FBXL20: variants seen among roughly 807,000 people sequenced by gnomAD.
FBXL20 encodes F-box/LRR-repeat protein 20.
Under a neutral mutation model 64.0 loss-of-function variants are expected in FBXL20, and 11 were observed. The observed-to-expected ratio is 0.17, with a 90% CI of 0.11 to 0.28. FBXL20 has a LOEUF of 0.28. Among genes scored for constraint, FBXL20 ranks in the 10% least tolerant of loss-of-function variants. FBXL20 has a pLI of 1.00. For missense variants in FBXL20, 303 were observed against 526.2 expected (o/e 0.58, Z 4.15); for synonymous variants, 184 against 189.0 (o/e 0.97, Z 0.22).
rs765978875 is a variant in FBXL20, at chr17:39,401,439, C to A, written c.-37G>T. The A allele has an allele frequency of 1.3e-6, 2 of 1,568,304 alleles. No homozygotes were observed. The highest frequency in any genetic ancestry group is 2.4e-5 in the East Asian group (1 of 41,642). On this transcript the variant is annotated 5_prime_UTR_variant, in exon 1 of 15. Coordinates refer to ENST00000264658, the MANE Select transcript of FBXL20 (RefSeq NM_032875.3). ...GTGCGGCCCGGGCCGGGCGCTGCGG[C>A]GAGCGGAGTGCACAGACCGGGGGCC... is the stretch of plus-strand genomic sequence containing the variant.
Position 39,260,723 on chromosome 17 carries a change from G to C in FBXL20, c.*737C>G, listed in dbSNP as rs1176328137. The stretch of plus-strand genomic sequence containing the variant: ...TAACAATTGAGTGAGTAAGCAGACT[G>C]AACAGGTGACAGACTGAGCAAGAGT... On this transcript the variant is annotated 3_prime_UTR_variant, in exon 15 of 15. Transcript: ENST00000264658. The C allele has an allele frequency of 1.3e-5, 2 of 152,758 alleles. No homozygotes were observed. Among genetic ancestry groups the C allele is most frequent in the Non-Finnish European group, 2.9e-5 (2 of 68,050 alleles). The allele number at this position is 152,758 out of a possible 1,614,324, so 9.5% of individuals were successfully genotyped here. A position where few individuals can be genotyped will look rare whatever the true frequency, so the allele number is the denominator to read the frequency against.
At chr17:39,393,914 T>C (rs2048158573) in intron 1 of FBXL20, among the ~76,000 whole-genome samples, 1 of 152,200 alleles carries the variant, frequency 6.6e-6, no homozygotes, top group Admixed American at 6.5e-5. Context: ...CAAATACTAT[T>C]GCACAGTTCA....
At chr17:39,389,719 G>A (rs2048117713) in intron 1 of FBXL20, among the ~76,000 whole-genome samples, 1 of 152,194 alleles carries the variant, frequency 6.6e-6, no homozygotes, top group African/African-American at 2.4e-5. Flanking sequence ...TCAGGAGGCT[G>A]AGGCAGGAGG....
In FBXL20 at chr17:39,279,644, C is replaced by T. The variant is rs116438546; in HGVS notation, c.696+1745G>A. Among the ~76,000 whole-genome samples the T allele has an allele frequency of 1.9e-3, 288 of 152,298 alleles. 2 individuals are homozygous for T. Among genetic ancestry groups the T allele is most frequent in the African/African-American group, 6.7e-3 (277 of 41,560 alleles). On this transcript the variant is annotated intron_variant, in intron 9 of 14. Transcript: ENST00000264658. ...AGGCACGTGGCTCACACCTGTATTC[C>T]CAGCACTTTGGGAGGCCAAGCCAGG...
chr17:39,310,821 A>G (rs2047228335), intron 2 of FBXL20, among the ~76,000 whole-genome samples: 1 of 152,064 alleles, frequency 6.6e-6, no homozygotes, highest in Admixed American at 6.6e-5. Context: ...CCCAGTCTCT[A>G]CTAAAATACA....
chr17:39,384,912 T>C (rs2048062933), intron 1 of FBXL20, among the ~76,000 whole-genome samples: 1 of 152,112 alleles, frequency 6.6e-6, no homozygotes, highest in African/African-American at 2.4e-5. Context: ...ATCACGCCAC[T>C]GCACTCCACT....
At chr17:39,347,140 G>A (rs1481034043) in intron 1 of FBXL20, among the ~76,000 whole-genome samples, 2 of 152,136 alleles carry the variant, frequency 1.3e-5, no homozygotes, top group Admixed American at 6.5e-5. Flanking sequence ...GAATAGTGCT[G>A]CAATAAACAT....
At chr17:39,315,829 CAGAGAGAGAGAGAGAGAGAGAGAGAGAG>C (rs141728220) in intron 2 of FBXL20, among the ~76,000 whole-genome samples, 2 of 129,686 alleles carry the variant, frequency 1.5e-5, no homozygotes, top group East Asian at 4.8e-4. Context: ...GAGAGAGAGA[CAGAGAGAGAGAGAGAGAGAGAGAGAGAG>C]AGAGAGAGAG....
intron 1 of FBXL20, among the ~76,000 whole-genome samples, chr17:39,347,189 C>A (rs573077390): frequency 1.2e-4 from 19 of 152,262 alleles, no homozygotes; most frequent in Non-Finnish European, 2.5e-4. Context: ...GATTTATAAT[C>A]CTTTGGGTAT....
intron 6 of FBXL20, among the ~76,000 whole-genome samples, chr17:39,290,678 C>T (rs927304240): frequency 2.6e-5 from 4 of 152,208 alleles, no homozygotes; most frequent in South Asian, 4.2e-4. Context: ...GATCCTCCCA[C>T]CTCAGCCTCC....
Position 39,344,336 on chromosome 17 carries a change from G to A in FBXL20, c.43-1095C>T, listed in dbSNP as rs373482178. On this transcript the variant is annotated intron_variant, in intron 1 of 14. Coordinates refer to ENST00000264658, the MANE Select transcript of FBXL20 (RefSeq NM_032875.3). ...ACTGCACTCCAGCCTCAGCGAGACAGTGAGAACCCCTCTCCAAAAAAAAAA... is the reference window on the plus strand; with the variant it reads ...ACTGCACTCCAGCCTCAGCGAGACAATGAGAACCCCTCTCCAAAAAAAAAA... Among the ~76,000 whole-genome samples, 811 of 149,096 alleles carry A rather than the reference G, an allele frequency of 5.4e-3. 8 individuals carry two copies. Among genetic ancestry groups the A allele is most frequent in the African/African-American group, 0.019 (782 of 40,312 alleles).
At chr17:39,388,760 G>A (rs2048107717) in intron 1 of FBXL20, among the ~76,000 whole-genome samples, 1 of 150,184 alleles carries the variant, frequency 6.7e-6, no homozygotes, top group Non-Finnish European at 1.5e-5. Context: ...GGGATTACAG[G>A]TGTGAGCCAC....
At chr17:39,358,739 TAAC>T (rs1472947788) in intron 1 of FBXL20, among the ~76,000 whole-genome samples, 1 of 148,568 alleles carries the variant, frequency 6.7e-6, no homozygotes, top group Non-Finnish European at 1.5e-5. Context: ...GTAGAAACAA[TAAC>T]AACACTATCA....
At chr17:39,333,059 T>G (rs1412975213) in intron 2 of FBXL20, among the ~76,000 whole-genome samples, 1 of 152,068 alleles carries the variant, frequency 6.6e-6, no homozygotes, top group Admixed American at 6.5e-5. Context: ...TGCCTCAGCC[T>G]CCCAAGTAGC....
chr17:39,341,134 T>C lies in FBXL20; in HGVS notation c.104+2046A>G, dbSNP rs144180814. ...ACATTCATAAGTATTAAGTGTTTTG[T>C]GGTGTCAAATCTGTTTCCTTCCTTT... On this transcript the variant is annotated intron_variant, in intron 2 of 14. Coordinates refer to ENST00000264658, the MANE Select transcript of FBXL20 (RefSeq NM_032875.3). Among the ~76,000 whole-genome samples, 574 of 152,190 alleles carry C rather than the reference T, an allele frequency of 3.8e-3. 4 individuals are homozygous for C. Among genetic ancestry groups the C allele is most frequent in the African/African-American group, 0.013 (550 of 41,538 alleles).
Position 39,260,620 on chromosome 17 carries a change from A to G in FBXL20, c.*840T>C, listed in dbSNP as rs1286127702. Reference sequence around the variant, plus strand: ...AGAATTAAAAAAATATTTATTGATAATATCTTTTTAAAAAATGTTTGGTAA... The same window carrying G: ...AGAATTAAAAAAATATTTATTGATAGTATCTTTTTAAAAAATGTTTGGTAA... On this transcript the variant is annotated 3_prime_UTR_variant, in exon 15 of 15. Coordinates refer to ENST00000264658, the MANE Select transcript of FBXL20 (RefSeq NM_032875.3). The G allele has an allele frequency of 6.6e-6, 1 of 152,450 alleles. No homozygotes were observed. Among genetic ancestry groups the G allele is most frequent in the African/African-American group, 2.4e-5 (1 of 41,436 alleles). 9.4% of individuals were successfully genotyped at this position (152,450 alleles called of 1,614,324 possible).
chr17:39,297,417 G>A lies in FBXL20; in HGVS notation c.330-222C>T. The stretch of plus-strand genomic sequence containing the variant: ...TGATAGTATCTTTTGTTACAGGTTG[G>A]TGAGAAGTAATCGCGGTTTTTGCCA... On this transcript the variant is annotated intron_variant, in intron 5 of 14. Coordinates refer to ENST00000264658, the MANE Select transcript of FBXL20 (RefSeq NM_032875.3). The A allele has an allele frequency of 8.8e-6, 3 of 342,354 alleles. No individual in the cohort carries two copies. The South Asian group carries it at 2.1e-4, about 24-fold the overall frequency. 21.2% of individuals were successfully genotyped at this position (342,354 alleles called of 1,614,324 possible).
chr17:39,305,258 G>A (rs1010994562), intron 2 of FBXL20, among the ~76,000 whole-genome samples: 3 of 152,164 alleles, frequency 2.0e-5, no homozygotes, highest in African/African-American at 7.2e-5. Context: ...ACACAGCAAT[G>A]TTAGAAAATA....
At chr17:39,355,131 A>T (rs964595705) in intron 1 of FBXL20, among the ~76,000 whole-genome samples, 1 of 152,152 alleles carries the variant, frequency 6.6e-6, no homozygotes, top group African/African-American at 2.4e-5. Context: ...GCATTTCACC[A>T]TGTTGGTCAG....
Sources: gnomAD v4.1 joint callset for allele counts (sites outside exome capture counted in the v4.1 genomes callset) on GRCh38, gnomAD v4.1.1 for gene constraint, MANE v1.5 for transcripts, NCBI Gene and HGNC (gene_info 2026-07-23, HGNC 2026-07-21) for gene names.